Variants in PDE1C observed in about 807,000 individuals in gnomAD.
The protein encoded by PDE1C is phosphodiesterase 1C, also known as dual specificity calcium/calmodulin-dependent 3',5'-cyclic nucleotide phosphodiesterase 1C.
PDE1C carries 62 observed loss-of-function variants against 93.1 expected under a neutral mutation model. The ratio of observed to expected loss-of-function variants is 0.67; its 90% CI spans 0.54 to 0.82. The LOEUF is 0.82. PDE1C is among the 40% of genes least tolerant of loss of function. PDE1C has a pLI of 0.00. For synonymous variants in PDE1C, 325 were observed against 310.1 expected, an observed-to-expected ratio of 1.05 and a Z score of -0.50; for missense variants, 742 against 884.6, an observed-to-expected ratio of 0.84 and a Z score of 2.04.
chr7:32,300,607 A>G (rs1205299726), upstream of PDE1C, among the ~76,000 whole-genome samples: 1 of 152,092 alleles, frequency 6.6e-6, no homozygotes, highest in Admixed American at 6.5e-5. Context: ...GACAATAAGG[A>G]TTAAGTAGGA....
At chr7:32,066,891 C>A (rs1350702270) in intron 1 of PDE1C, among the ~76,000 whole-genome samples, 1 of 152,164 alleles carries the variant, frequency 6.6e-6, no homozygotes, top group African/African-American at 2.4e-5. Context: ...GGACAGCATC[C>A]CTCTGAGAGT....
At chr7:31,651,495 CA>C in the PDE1C span, among the ~76,000 whole-genome samples, 1 of 152,066 alleles carries the variant, frequency 6.6e-6, no homozygotes, top group Admixed American at 6.5e-5. Context: ...GACAGGCAGT[CA>C]GGGGCATTGA....
intron 1 of PDE1C, among the ~76,000 whole-genome samples, chr7:32,411,124 CAAAT>C (rs1316410820): frequency 2.0e-5 from 3 of 152,146 alleles, no homozygotes; most frequent in African/African-American, 7.2e-5. Context: ...ACTGTTGAGA[CAAAT>C]GAATAGCCAT....
chr7:31,935,184 G>A (rs1004815894), intron 2 of PDE1C, among the ~76,000 whole-genome samples: 2 of 152,182 alleles, frequency 1.3e-5, no homozygotes, highest in African/African-American at 2.4e-5. Context: ...CACAGAAATA[G>A]TGAAGAGAAG....
intron 2 of PDE1C, among the ~76,000 whole-genome samples, chr7:31,918,560 C>T (rs1160954767): frequency 6.6e-6 from 1 of 152,186 alleles, no homozygotes; most frequent in Non-Finnish European, 1.5e-5. Flanking sequence ...CTCAGGCCTC[C>T]AGCTCCTGAG....
At chr7:31,878,600 G>A (rs999418225) in intron 4 of PDE1C, among the ~76,000 whole-genome samples, 7 of 152,176 alleles carry the variant, frequency 4.6e-5, no homozygotes, top group Admixed American at 6.5e-5. Context: ...AAACTGAAGT[G>A]TCTTGGGGAC....
At chr7:31,838,579 T>C (rs1244361050) in intron 9 of PDE1C, among the ~76,000 whole-genome samples, 1 of 152,132 alleles carries the variant, frequency 6.6e-6, no homozygotes, top group African/African-American at 2.4e-5. Flanking sequence ...TGCTGTACAG[T>C]TCTACCAGTT....
chr7:31,812,383 A>G (rs1392749484), intron 15 of PDE1C, among the ~76,000 whole-genome samples: 5 of 152,088 alleles, frequency 3.3e-5, no homozygotes, highest in East Asian at 1.9e-4. Flanking sequence ...GGTAGAATTC[A>G]TATCCTTCTT....
intron 1 of PDE1C, among the ~76,000 whole-genome samples, chr7:32,231,327 A>G (rs572137749): frequency 2.2e-4 from 34 of 152,250 alleles, no homozygotes; most frequent in East Asian, 1.2e-3. Context: ...ACACACACAC[A>G]CGCGCACGTG....
intron 2 of PDE1C, among the ~76,000 whole-genome samples, chr7:31,905,046 C>T (rs768965426): frequency 6.6e-6 from 1 of 152,042 alleles, no homozygotes; most frequent in East Asian, 1.9e-4. Context: ...GGACCTTGGC[C>T]TCATACAGCT....
chr7:31,825,496 G>A (rs544032828), intron 12 of PDE1C, among the ~76,000 whole-genome samples: 1 of 152,232 alleles, frequency 6.6e-6, no homozygotes, highest in South Asian at 2.1e-4. Context: ...GCTCTAGGAA[G>A]GGAGGCTTCT....
chr7:31,908,187 G>C (rs1443977473), intron 2 of PDE1C, among the ~76,000 whole-genome samples: 1 of 13,542 alleles, frequency 7.4e-5, no homozygotes, highest in Non-Finnish European at 5.0e-3. Flanking sequence ...TCAGTCATTA[G>C]TAATATGTCA....
chr7:32,177,853 G>C (rs1803118197), intron 2 of PDE1C, among the ~76,000 whole-genome samples: 1 of 152,172 alleles, frequency 6.6e-6, no homozygotes, highest in Non-Finnish European at 1.5e-5. Flanking sequence ...TGGCCTTACT[G>C]TATTTAATAA....
intron 3 of PDE1C, among the ~76,000 whole-genome samples, chr7:32,156,545 C>T (rs1170281668): frequency 6.6e-6 from 1 of 152,184 alleles, no homozygotes; most frequent in Non-Finnish European, 1.5e-5. Flanking sequence ...CACCCCACCT[C>T]GCCTCTGCTG....
chr7:31,835,040 G>GA lies in PDE1C; in HGVS notation c.1203+2139dup, dbSNP rs766601833. On this transcript the variant is annotated intron_variant, in intron 11 of 17. Transcript: ENST00000396191. Reference sequence around the variant, plus strand: ...CATGAGATCTGATGGTTTTATAATGGAAAAATCCCTTTCACTTGGTCCTCA... The same window carrying GA: ...CATGAGATCTGATGGTTTTATAATGGAAAAAATCCCTTTCACTTGGTCCTCA... Among the ~76,000 whole-genome samples the GA allele has an allele frequency of 8.7e-4, 132 of 152,126 alleles. 3 individuals carry two copies. In the Middle Eastern group the frequency reaches 0.021, roughly 24 times the overall value.
At chr7:31,896,137 G>A (rs1353419601) in intron 2 of PDE1C, among the ~76,000 whole-genome samples, 1 of 152,062 alleles carries the variant, frequency 6.6e-6, no homozygotes, top group Non-Finnish European at 1.5e-5. Flanking sequence ...GAATAAATCT[G>A]GCCCTGCTAT....
chr7:31,942,819 G>A (rs369030638), intron 2 of PDE1C, among the ~76,000 whole-genome samples: 11 of 152,234 alleles, frequency 7.2e-5, no homozygotes, highest in South Asian at 2.1e-4. Context: ...CAGTTGAGCC[G>A]ATTCACATAT....
chr7:32,138,466 A>G (rs934693730), intron 3 of PDE1C, among the ~76,000 whole-genome samples: 1 of 152,116 alleles, frequency 6.6e-6, no homozygotes, highest in African/African-American at 2.4e-5. Flanking sequence ...CACCCAAGAC[A>G]CTGACAAGCT....
intron 6 of PDE1C, among the ~76,000 whole-genome samples, chr7:31,867,387 C>T (rs1795432505): frequency 6.6e-6 from 1 of 152,130 alleles, no homozygotes. Context: ...TCCACACCTT[C>T]CAGTGCCTCA....
Sources: allele counts gnomAD v4.1 joint callset (sites outside exome capture counted in the v4.1 genomes callset), GRCh38; gene constraint gnomAD v4.1.1; transcripts MANE v1.5; gene names NCBI Gene and HGNC (gene_info 2026-07-23, HGNC 2026-07-21).